The following MALAT1 variants were observed in gnomAD, a reference collection of about 807,000 sequenced individuals.
MALAT1 encodes metastasis associated lung adenocarcinoma transcript 1, also known as hepcarcin.
chr11:65,506,474 T>A, downstream of MALAT1: 1 of 301,046 alleles, frequency 3.3e-6, no homozygotes, highest in Non-Finnish European at 6.6e-6. Context: ...TCTAAATTGT[T>A]GTGGTTCTTT....
chr11:65,499,789 AAAAG>A (rs745875408), exon 3 of MALAT1: 24 of 422,918 alleles, frequency 5.7e-5, no homozygotes, highest in South Asian at 4.2e-4. Flanking sequence ...AGCAGAAGAA[AAAAG>A]ACAAGCTAGG....
At chr11:65,500,239 C>T (rs1854511042) in exon 3 of MALAT1, 2 of 517,722 alleles carry the variant, frequency 3.9e-6, no homozygotes, top group African/African-American at 3.9e-5. Flanking sequence ...ATTTGGAAGG[C>T]CTTAAATATA....
At chr11:65,501,189 T>C (rs1854537626) in exon 3 of MALAT1, 1 of 505,628 alleles carries the variant, frequency 2.0e-6, no homozygotes, top group African/African-American at 2.1e-5. Context: ...ATGTAGAGTT[T>C]GGATGTGTAA....
exon 3 of MALAT1, chr11:65,503,050 G>C (rs766829373): frequency 2.4e-5 from 12 of 508,784 alleles, no homozygotes; most frequent in South Asian, 1.7e-4. Context: ...CGAAATAAAT[G>C]AGAGATGAGT....
rs769012782 is a variant in MALAT1, at chr11:65,504,298, C to T, written n.5168+393C>T. On this transcript the variant is annotated intron_variant and non_coding_transcript_variant, in intron 3 of 3. Coordinates refer to ENST00000619449, the Ensembl canonical transcript of MALAT1. ...GGATGGGAGGAGGGGGTGGGGCTTA[C>T]TTGTTGTAGCTTTTTTTTTTTTTAC... The T allele has an allele frequency of 8.1e-6, 4 of 492,642 alleles. No homozygotes were observed. In the East Asian group the frequency reaches 1.6e-4, roughly 20 times the overall value. The allele number at this position is 492,642 out of a possible 1,614,324, so 30.5% of individuals were successfully genotyped here. A position where few individuals can be genotyped will look rare whatever the true frequency, so the allele number is the denominator to read the frequency against.
In MALAT1 at chr11:65,503,161, G is replaced by A. The variant is rs979815935; in HGVS notation, n.4424G>A. 9.8e-6 allele frequency: 5 copies of A among 510,920 alleles called. No individual in the cohort carries two copies. The Admixed American group carries it at 1.0e-4, about 10-fold the overall frequency. 31.6% of individuals were successfully genotyped at this position (510,920 alleles called of 1,614,324 possible). On this transcript the variant is annotated non_coding_transcript_exon_variant, in exon 3 of 4. Coordinates refer to ENST00000619449, the Ensembl canonical transcript of MALAT1. Reference sequence around the variant, plus strand: ...CAGAAGAGTTGCTTCATTTCATCTGGGAGCAGAAAACAGCAGGCAGCTGTT... The same window carrying A: ...CAGAAGAGTTGCTTCATTTCATCTGAGAGCAGAAAACAGCAGGCAGCTGTT...
chr11:65,503,753 A>C, exon 3 of MALAT1: 1 of 516,474 alleles, frequency 1.9e-6, no homozygotes, highest in Non-Finnish European at 3.9e-6. Context: ...AACACTCTTT[A>C]ATGGACCAGA....
intron 3 of MALAT1, chr11:65,504,751 T>TAAA (rs1854640411): frequency 1.9e-6 from 1 of 518,928 alleles, no homozygotes; most frequent in African/African-American, 1.9e-5. Context: ...AACAGTTCAG[T>TAAA]GATCTTTAGT....
At chr11:65,498,756 T>G in intron 2 of MALAT1, 1 of 518,730 alleles carries the variant, frequency 1.9e-6, no homozygotes, top group South Asian at 1.4e-5. Flanking sequence ...GTTCCGGGGG[T>G]TTTGTGAGGT....
At chr11:65,498,185 T>G (rs1170106401) in intron 1 of MALAT1, 1 of 518,874 alleles carries the variant, frequency 1.9e-6, no homozygotes, top group Non-Finnish European at 3.8e-6. Flanking sequence ...CTGCCCAAGG[T>G]CTCTGTGTCT....
chr11:65,506,235 T>C, intron 3 of MALAT1: 1 of 458,328 alleles, frequency 2.2e-6, no homozygotes, highest in Non-Finnish European at 4.2e-6. Flanking sequence ...TCTCTGCAGG[T>C]GCTAGTTCTT....
At chr11:65,501,856 T>C (rs774617142) in exon 3 of MALAT1, 3 of 517,458 alleles carry the variant, frequency 5.8e-6, no homozygotes, top group Non-Finnish European at 1.2e-5. Flanking sequence ...GGGGCAAATA[T>C]TGGCAATTAG....
exon 3 of MALAT1, chr11:65,502,624 T>C: frequency 2.1e-6 from 1 of 480,112 alleles, no homozygotes; most frequent in Non-Finnish European, 4.0e-6. Context: ...GGAAACTTTT[T>C]TTTTTTCTAT....
chr11:65,503,728 G>C (rs1204401700), exon 3 of MALAT1: 2 of 517,358 alleles, frequency 3.9e-6, no homozygotes, highest in Non-Finnish European at 7.7e-6. Flanking sequence ...TAATCTTTCA[G>C]AAACTTTGTC....
exon 3 of MALAT1, chr11:65,500,766 A>G (rs751806189): frequency 1.9e-6 from 1 of 519,024 alleles, no homozygotes; most frequent in Non-Finnish European, 3.8e-6. Context: ...AGTGGTTGGT[A>G]AAAATCCGTG....
intron 3 of MALAT1, chr11:65,506,107 A>C (rs771547618): frequency 9.8e-6 from 4 of 408,572 alleles, no homozygotes; most frequent in Non-Finnish European, 1.9e-5. Context: ...TAAAAAAAAA[A>C]AAAGCAAAAG....
chr11:65,498,327 G>C, intron 1 of MALAT1: 1 of 517,880 alleles, frequency 1.9e-6, no homozygotes, highest in Middle Eastern at 3.2e-4. Context: ...ATTTCCGTGC[G>C]GGCCGTGGGG....
chr11:65,498,121 C>T (rs1403127591), intron 1 of MALAT1: 1 of 518,816 alleles, frequency 1.9e-6, no homozygotes, highest in Non-Finnish European at 3.8e-6. Context: ...ACAAAAACCC[C>T]TAAAAAAGCA....
At chr11:65,503,803 G>GGAAA (rs767548342) in exon 3 of MALAT1, 24 of 515,606 alleles carry the variant, frequency 4.7e-5, no homozygotes, top group Non-Finnish European at 7.7e-5. Context: ...CTTTAAGGCA[G>GGAAA]GAAAGACAAA....
Sources: allele counts gnomAD v4.1 joint callset, GRCh38; gene constraint gnomAD v4.1.1; transcripts MANE v1.5; gene names NCBI Gene and HGNC (gene_info 2026-07-23, HGNC 2026-07-21).